Variants in RUNX1T1 observed in about 807,000 individuals in gnomAD.
The protein encoded by RUNX1T1 is RUNX1 partner transcriptional co-repressor 1.
In RUNX1T1, 4 loss-of-function variants were observed where a neutral mutation model predicts 62.8. The observed-to-expected ratio is 0.06, with a 90% CI of 0.03 to 0.15. The LOEUF is 0.15. Ranked by LOEUF, RUNX1T1 falls within the 10% of genes least tolerant of loss-of-function variation. The probability of loss-of-function intolerance (pLI) is 1.00; values close to 1 mark genes in which losing one functional copy is unlikely to be tolerated. For missense variants in RUNX1T1, 508 were observed against 754.3 expected (o/e 0.67, Z 3.82); for synonymous variants, 291 against 286.0 (o/e 1.02, Z -0.18).
intron 1 of RUNX1T1, among the ~76,000 whole-genome samples, chr8:92,094,451 A>T (rs1224700761): frequency 6.6e-6 from 1 of 152,208 alleles, no homozygotes; most frequent in Non-Finnish European, 1.5e-5. Flanking sequence ...TCATGGTTCA[A>T]ATCCAAAATA....
At chr8:92,018,474 T>C (rs559194198) in intron 1 of RUNX1T1, among the ~76,000 whole-genome samples, 1 of 152,250 alleles carries the variant, frequency 6.6e-6, no homozygotes, top group Non-Finnish European at 1.5e-5. Flanking sequence ...GGCACGCACA[T>C]GAACACACAC....
chr8:92,095,604 G>A lies in RUNX1T1; in HGVS notation c.-86+3976C>T, dbSNP rs531555532. On this transcript the variant is annotated intron_variant, in intron 1 of 11. Coordinates refer to the RUNX1T1 transcript ENST00000265814. ...TGCGTGTGAGACGGAGCGGGAGAGG[G>A]AGGAAAAGTGGGAGAGAGAGAGAGA... 337 of 1,405,200 alleles carry A rather than the reference G, an allele frequency of 2.4e-4. 2 individuals are homozygous for A. In the South Asian group the frequency reaches 5.1e-3, roughly 21 times the overall value. 87.0% of individuals were successfully genotyped at this position (1,405,200 alleles called of 1,614,324 possible).
At chr8:92,007,536 T>G (rs1444958103) in intron 4 of RUNX1T1, among the ~76,000 whole-genome samples, 1 of 151,620 alleles carries the variant, frequency 6.6e-6, no homozygotes, top group Non-Finnish European at 1.5e-5. Context: ...TTCTGAGAGA[T>G]GCATTGTTAC....
intron 1 of RUNX1T1, among the ~76,000 whole-genome samples, chr8:92,040,642 C>G (rs1278092337): frequency 6.6e-6 from 1 of 152,106 alleles, no homozygotes; most frequent in African/African-American, 2.4e-5. Flanking sequence ...CTTTCAAAGC[C>G]CTCCATTTCT....
intron 7 of RUNX1T1, 51 bp from the exon 9 acceptor site, chr8:91,986,376 A>G: frequency 7.0e-7 from 1 of 1,433,062 alleles, no homozygotes; most frequent in Non-Finnish European, 9.8e-7. Flanking sequence ...ATCACAATTA[A>G]AGATTTTGCT....
rs973137395 is a variant in RUNX1T1 at position 92,097,454 on chromosome 8, C to A, written c.-86+2126G>T. Among the ~76,000 whole-genome samples, 2 of 152,130 alleles carry A rather than the reference C, an allele frequency of 1.3e-5. 1 individual carries two copies. Among genetic ancestry groups the A allele is most frequent in the African/African-American group, 4.8e-5 (2 of 41,422 alleles). On this transcript the variant is annotated intron_variant, in intron 1 of 11. Coordinates refer to the RUNX1T1 transcript ENST00000265814. ...ATGCATTCAGAGTAACCGAAAGCAA[C>A]CACACATACCCCCACCCTTTATTGC...
At chr8:91,967,777 A>G (rs1430238675) in intron 10 of RUNX1T1, among the ~76,000 whole-genome samples, 1 of 152,200 alleles carries the variant, frequency 6.6e-6, no homozygotes, top group Non-Finnish European at 1.5e-5. Context: ...CTTACCACAT[A>G]TACGTTGTTT....
chr8:92,058,672 G>C (rs960944907), intron 1 of RUNX1T1, among the ~76,000 whole-genome samples: 11 of 152,146 alleles, frequency 7.2e-5, no homozygotes, highest in African/African-American at 2.4e-4. Context: ...GAAGGTGCTC[G>C]CAAGATAAAC....
intron 4 of RUNX1T1, 60 bp from the exon 6 acceptor site, chr8:92,005,357 T>C (rs562680986): frequency 1.8e-5 from 27 of 1,483,946 alleles, no homozygotes; most frequent in African/African-American, 4.2e-5. Flanking sequence ...TCCTGTTGAC[T>C]TACTCTGCTT....
At chr8:92,077,711 A>T (rs1283493460) in intron 1 of RUNX1T1, among the ~76,000 whole-genome samples, 1 of 152,146 alleles carries the variant, frequency 6.6e-6, no homozygotes, top group Non-Finnish European at 1.5e-5. Flanking sequence ...AAAGTGGATC[A>T]TGCCCCTATA....
At position 92,054,350 on chromosome 8, in the gene RUNX1T1, C is replaced by A. The variant is rs375466629; in HGVS notation, c.7+8196G>T. The stretch of plus-strand genomic sequence containing the variant: ...CTCAGAAAATTTCATCTAACCTAGA[C>A]AATGTGCATCAAGCATAACACTTGG... On this transcript the variant is annotated intron_variant, in intron 1 of 10. Coordinates refer to ENST00000396218, the Ensembl canonical transcript of RUNX1T1. Among the ~76,000 whole-genome samples the A allele has an allele frequency of 2.6e-5, 4 of 152,238 alleles. No individual in the cohort carries two copies. The East Asian group carries it at 7.8e-4, about 30-fold the overall frequency.
chr8:91,960,083 C>A, exon 11 of RUNX1T1: 2 of 727,538 alleles, frequency 2.7e-6, no homozygotes, highest in South Asian at 3.7e-5. Context: ...TTTACTACCA[C>A]CTCAAGATAC....
At position 91,986,106 on chromosome 8, in the gene RUNX1T1, C is replaced by T; in HGVS notation, c.1198+18G>A. 1 of 1,548,656 alleles carries T rather than the reference C, an allele frequency of 6.5e-7. No individual in the cohort carries two copies. Among genetic ancestry groups the T allele is most frequent in the Non-Finnish European group, 8.9e-7 (1 of 1,120,262 alleles). ...AAGAAATATGTGTTTTCGAGATACT[C>T]ATCTGAAGAAAAGTTACCTAGTGCA... On this transcript the variant is annotated intron_variant, in intron 8 of 10. Coordinates refer to ENST00000396218, the Ensembl canonical transcript of RUNX1T1.
chr8:92,099,561 C>T, intron 1 of RUNX1T1: 1 of 922,126 alleles, frequency 1.1e-6, no homozygotes, highest in Non-Finnish European at 1.3e-6. Context: ...GCCTTTCTCA[C>T]TGAACTTACA....
chr8:92,001,416 A>G (rs973279377), intron 5 of RUNX1T1, among the ~76,000 whole-genome samples: 1 of 152,210 alleles, frequency 6.6e-6, no homozygotes, highest in Non-Finnish European at 1.5e-5. Flanking sequence ...GATCCCTCCC[A>G]GCTGACAAAT....
At chr8:91,994,632 T>C (rs1818332980) in intron 5 of RUNX1T1, 2 of 501,182 alleles carry the variant, frequency 4.0e-6, no homozygotes, top group African/African-American at 3.9e-5. Context: ...ATCTGTAAAA[T>C]GAAAGGGTTG....
chr8:91,958,498 T>C (rs1809697555), downstream of RUNX1T1: 1 of 193,522 alleles, frequency 5.2e-6, no homozygotes. Context: ...CACCTCAGCA[T>C]TTGGAGCTCT....
chr8:92,065,453 T>C (rs886649618), upstream of RUNX1T1, among the ~76,000 whole-genome samples: 1 of 152,198 alleles, frequency 6.6e-6, no homozygotes, highest in Non-Finnish European at 1.5e-5. Flanking sequence ...TGTCACTGAA[T>C]TAAGAACACA....
At position 92,030,218 on chromosome 8, in the gene RUNX1T1, A is replaced by T. The variant is rs567438874; in HGVS notation, c.8-12855T>A. On this transcript the variant is annotated intron_variant, in intron 1 of 10. Transcript: ENST00000396218. ...CTATCCTACCCACTGTATTATAAGCAATATCGTACTACCTAATCTGTTTTT... is the reference window on the plus strand; with the variant it reads ...CTATCCTACCCACTGTATTATAAGCTATATCGTACTACCTAATCTGTTTTT... 5.3e-5 allele frequency among the ~76,000 whole-genome samples: 8 copies of T among 152,262 alleles called. No homozygotes were observed. The East Asian group carries it at 1.5e-3, about 29-fold the overall frequency.
Sources: allele counts gnomAD v4.1 joint callset (sites outside exome capture counted in the v4.1 genomes callset), GRCh38; gene constraint gnomAD v4.1.1; transcripts MANE v1.5; gene names NCBI Gene and HGNC (gene_info 2026-07-23, HGNC 2026-07-21).